Variants in SGPL1 observed in about 807,000 individuals in gnomAD.
SGPL1 encodes sphingosine-1-phosphate lyase 1.
Under a neutral mutation model 68.9 loss-of-function variants are expected in SGPL1, and 37 were observed. That is an observed-to-expected ratio of 0.54 (90% confidence interval 0.41 to 0.71). SGPL1 has a LOEUF of 0.71. Among genes scored for constraint, SGPL1 ranks in the 30% least tolerant of loss-of-function variants. The pLI, the probability that SGPL1 is intolerant of heterozygous loss-of-function variation, is 0.00. For synonymous variants in SGPL1, 236 were observed against 248.5 expected, an observed-to-expected ratio of 0.95 and a Z score of 0.47; for missense variants, 551 against 704.6, an observed-to-expected ratio of 0.78 and a Z score of 2.47.
At chr10:70,862,346 G>A (rs1846083750) in intron 7 of SGPL1, among the ~76,000 whole-genome samples, 1 of 152,032 alleles carries the variant, frequency 6.6e-6, no homozygotes, top group African/African-American at 2.4e-5. Context: ...AATCTGATGG[G>A]GACGTGGAGA....
chr10:70,837,128 AGTACAGTGGTACGATC>A (rs1306772241), intron 2 of SGPL1, among the ~76,000 whole-genome samples: 4 of 151,548 alleles, frequency 2.6e-5, no homozygotes, highest in Non-Finnish European at 4.4e-5. Context: ...CCCAGGCTGG[AGTACAGTGGTACGATC>A]TTGGCTCACT....
intron 7 of SGPL1, among the ~76,000 whole-genome samples, chr10:70,861,197 T>TA (rs1001133559): frequency 1.2e-4 from 17 of 143,964 alleles, no homozygotes; most frequent in South Asian, 2.2e-4. Flanking sequence ...CAAGACAGAT[T>TA]AAAAAAAAAA....
At chr10:70,851,316 C>T in intron 4 of SGPL1, 106 bp downstream of exon 4, 1 of 983,878 alleles carries the variant, frequency 1.0e-6, no homozygotes. Flanking sequence ...GATTTTGTCT[C>T]TTACCTCCAG....
chr10:70,862,569 A>G (rs559684986), intron 7 of SGPL1, among the ~76,000 whole-genome samples: 58 of 151,748 alleles, frequency 3.8e-4, no homozygotes, highest in African/African-American at 1.3e-3. Flanking sequence ...GCTACTGCTC[A>G]CTCTTTGGGT....
At chr10:70,856,076 C>T (rs1253924903) in intron 5 of SGPL1, among the ~76,000 whole-genome samples, 2 of 152,188 alleles carry the variant, frequency 1.3e-5, no homozygotes, top group Non-Finnish European at 2.9e-5. Flanking sequence ...CTCACTGCAA[C>T]TTCCACCTTC....
rs948984462 is a variant in SGPL1, at chr10:70,865,142, C to T, written c.616-3203C>T. On this transcript the variant is annotated intron_variant, in intron 7 of 14. Coordinates refer to ENST00000373202, the MANE Select transcript of SGPL1 (RefSeq NM_003901.4). ...AATTCTCAGGATTTTGCTGACTTTG[C>T]GGTACAGTTTCAAGGGCTGATTAGA... 2.0e-4 allele frequency among the ~76,000 whole-genome samples: 30 copies of T among 151,950 alleles called. 1 individual carries two copies. Among genetic ancestry groups the T allele is most frequent in the African/African-American group, 6.5e-4 (27 of 41,436 alleles).
At chr10:70,843,249 G>T (rs555871438) in intron 2 of SGPL1, among the ~76,000 whole-genome samples, 1 of 149,676 alleles carries the variant, frequency 6.7e-6, no homozygotes, top group Admixed American at 6.7e-5. Flanking sequence ...GTTTGTATAT[G>T]TATGTGCCTG....
In SGPL1 at chr10:70,854,764, GA is replaced by G. The variant is rs763301254; in HGVS notation, c.321del (p.Val108TrpfsTer6). ...ATATTAGCAAGAACATGTCATTCCT[GA>G]AAGTGGACAAAGAGTATGTGAAAGC... ...DDISKNMSFL[K>X]VDKEYVKALP... On this transcript the variant is annotated frameshift_variant, in exon 5 of 15. Coordinates refer to ENST00000373202, the MANE Select transcript of SGPL1 (RefSeq NM_003901.4). LOFTEE classifies it high-confidence loss of function. 6.2e-7 allele frequency: 1 copy of G among 1,613,916 alleles called. No individual in the cohort carries two copies. The highest frequency in any genetic ancestry group is 8.5e-7 in the Non-Finnish European group (1 of 1,179,912).
At chr10:70,818,124 G>GT (rs1197048671) in intron 2 of SGPL1, among the ~76,000 whole-genome samples, 4 of 151,982 alleles carry the variant, frequency 2.6e-5, no homozygotes, top group African/African-American at 9.7e-5. Flanking sequence ...GTTTTGTTTT[G>GT]TTTGTTTGTT....
At chr10:70,828,352 C>T (rs1845472016) in intron 2 of SGPL1, among the ~76,000 whole-genome samples, 1 of 152,002 alleles carries the variant, frequency 6.6e-6, no homozygotes, top group South Asian at 2.1e-4. Context: ...GACAGGGTTT[C>T]ACCCTGTTGC....
intron 7 of SGPL1, among the ~76,000 whole-genome samples, chr10:70,862,634 C>T (rs1725176827): frequency 1.3e-5 from 2 of 152,140 alleles, no homozygotes; most frequent in Admixed American, 6.5e-5. Context: ...AGCTTCACTC[C>T]TGAAGCCAGT....
chr10:70,816,898 ATCC>A lies in SGPL1; in HGVS notation c.27+23_27+25del. 2 of 1,613,584 alleles carry A rather than the reference ATCC, an allele frequency of 1.2e-6. No individual in the cohort carries two copies. Among genetic ancestry groups the A allele is most frequent in the South Asian group, 1.1e-5 (1 of 91,076 alleles). Reference sequence around the variant, plus strand: ...TGATGTTGGTGAGCCTTTTGCAGACATCCTCCTGGTTCCAAGGCATTTGTCTCC... The same window carrying A: ...TGATGTTGGTGAGCCTTTTGCAGACATCCTGGTTCCAAGGCATTTGTCTCC... On this transcript the variant is annotated intron_variant, in intron 2 of 14. Transcript: ENST00000373202.
rs188016634 is a variant in SGPL1 at position 70,880,483 on chromosome 10, C to T, written c.*3148C>T. ...ATAACTTAATGATGGATTGAGTTAT[C>T]TGGGTGGTCTCTAGCCATCTGGGCA... On this transcript the variant is annotated 3_prime_UTR_variant, in exon 15 of 15. Coordinates refer to ENST00000373202, the MANE Select transcript of SGPL1 (RefSeq NM_003901.4). 1.3e-5 allele frequency: 2 copies of T among 152,276 alleles called. No homozygotes were observed. The highest frequency in any genetic ancestry group is 3.9e-4 in the East Asian group (2 of 5,188). 9.4% of individuals were successfully genotyped at this position (152,276 alleles called of 1,614,324 possible). A position where few individuals can be genotyped will look rare whatever the true frequency, so the allele number is the denominator to read the frequency against.
intron 3 of SGPL1, among the ~76,000 whole-genome samples, 186 bp downstream of exon 3, chr10:70,844,824 C>T (rs1845767179): frequency 6.6e-6 from 1 of 152,342 alleles, no homozygotes; most frequent in South Asian, 2.1e-4. Flanking sequence ...ACTGCAACCT[C>T]TGCCTCCCAG....
At chr10:70,824,133 C>T (rs1239508908) in intron 2 of SGPL1, among the ~76,000 whole-genome samples, 1 of 152,168 alleles carries the variant, frequency 6.6e-6, no homozygotes, top group African/African-American at 2.4e-5. Flanking sequence ...TGAAGCATTA[C>T]ATTTCTAGCC....
chr10:70,830,741 A>G (rs554653231), intron 2 of SGPL1, among the ~76,000 whole-genome samples: 3 of 152,322 alleles, frequency 2.0e-5, no homozygotes, highest in East Asian at 1.9e-4. Context: ...TTGTAATTAT[A>G]TAAGATTTTA....
At chr10:70,859,588 TA>T in intron 7 of SGPL1, 89 bp downstream of exon 7, 2 of 600,722 alleles carry the variant, frequency 3.3e-6, no homozygotes, top group Non-Finnish European at 4.4e-6. Flanking sequence ...TTTTAAAAAA[TA>T]AAAAATATTA....
chr10:70,879,379 ATG>A lies in SGPL1; in HGVS notation c.*2068_*2069del, dbSNP rs34643236. Reference sequence around the variant, plus strand: ...GCCATTCAGGGCTGGTGTGGCATTTATGTGTGTGTGTGTGTGTGTGTGTGTTT... The same window carrying A: ...GCCATTCAGGGCTGGTGTGGCATTTATGTGTGTGTGTGTGTGTGTGTGTTT... On this transcript the variant is annotated 3_prime_UTR_variant, in exon 15 of 15. Coordinates refer to ENST00000373202, the MANE Select transcript of SGPL1 (RefSeq NM_003901.4). 138,660 of 150,356 alleles carry A rather than the reference ATG, an allele frequency of 0.92. 64,552 individuals carry two copies. The highest frequency in any genetic ancestry group is 0.98 in the East Asian group (5,005 of 5,096). 9.3% of individuals were successfully genotyped at this position (150,356 alleles called of 1,614,324 possible).
chr10:70,816,272 A>T (rs1845225965), intron 1 of SGPL1, 146 bp downstream of exon 1: 1 of 148,692 alleles, frequency 6.7e-6, no homozygotes, highest in African/African-American at 2.5e-5. Context: ...GGGCGGGCTG[A>T]AGGCGTGGGC....
Sources: allele counts gnomAD v4.1 joint callset (sites outside exome capture counted in the v4.1 genomes callset), GRCh38; gene constraint gnomAD v4.1.1; transcripts MANE v1.5; gene names NCBI Gene and HGNC (gene_info 2026-07-23, HGNC 2026-07-21).